The following STX1A variants were observed in gnomAD, a reference collection of about 807,000 sequenced individuals.
The protein encoded by STX1A is syntaxin 1A, also known as syntaxin-1A.
In STX1A, 4 loss-of-function variants were observed where a neutral mutation model predicts 37.8. That is an observed-to-expected ratio of 0.11 (90% CI 0.05 to 0.24). The LOEUF is 0.24. Ranked by LOEUF, STX1A falls within the 10% of genes least tolerant of loss-of-function variation. The pLI is 1.00. For synonymous variants in STX1A, 135 were observed against 147.4 expected, an observed-to-expected ratio of 0.92 and a Z score of 0.61; for missense variants, 251 against 399.9, an observed-to-expected ratio of 0.63 and a Z score of 3.18.
At chr7:73,710,970 T>C (rs1252870317) in intron 1 of STX1A, among the ~76,000 whole-genome samples, 3 of 151,956 alleles carry the variant, frequency 2.0e-5, no homozygotes, top group African/African-American at 7.3e-5. Flanking sequence ...AGGGCAGGTA[T>C]GTTTGTTTGA....
In STX1A at chr7:73,703,545, A is replaced by G. The variant is rs781973424; in HGVS notation, c.540+210T>C. ...GCGAAAGTGAGTCCAACTGGGAGGC[A>G]TCAGGAGACAGGGGTCTTGAGTCCA... On this transcript the variant is annotated intron_variant, in intron 7 of 9. Transcript: ENST00000222812. 15 of 716,592 alleles carry G rather than the reference A, an allele frequency of 2.1e-5. 1 individual carries two copies. The highest frequency in any genetic ancestry group is 1.8e-4 in the South Asian group (12 of 67,378). 44.4% of individuals were successfully genotyped at this position (716,592 alleles called of 1,614,324 possible).
At chr7:73,718,674 G>C (rs549894568) in intron 1 of STX1A, among the ~76,000 whole-genome samples, 1 of 151,948 alleles carries the variant, frequency 6.6e-6, no homozygotes, top group South Asian at 2.1e-4. Flanking sequence ...TCCACTCCCG[G>C]TCACCATCCT....
intron 3 of STX1A, 144 bp downstream of exon 3, chr7:73,708,445 G>T: frequency 1.4e-6 from 1 of 736,258 alleles, no homozygotes; most frequent in African/African-American, 1.8e-5. Flanking sequence ...GGCTTCTCGT[G>T]AAACCCTCCC....
Position 73,700,720 on chromosome 7 carries a change from G to C in STX1A, c.789+10C>G, listed in dbSNP as rs782323225. 15 of 1,613,382 alleles carry C rather than the reference G, an allele frequency of 9.3e-6. No individual in the cohort carries two copies. The highest frequency in any genetic ancestry group is 2.5e-6 in the Non-Finnish European group (3 of 1,179,956). On this transcript the variant is annotated intron_variant, in intron 9 of 9. Transcript: ENST00000222812. The surrounding 1 kb of genome is among the most constrained non-coding windows in gnomAD (Gnocchi z 4.4). ...TGGGGCATGGCCTTGGGCAGGGCTGGGCTACTGACCCGGCGCGCCTTGCTC... is the reference window on the plus strand; with the variant it reads ...TGGGGCATGGCCTTGGGCAGGGCTGCGCTACTGACCCGGCGCGCCTTGCTC...
intron 4 of STX1A, chr7:73,704,914 C>T (rs1169902759): frequency 3.4e-6 from 2 of 594,810 alleles, no homozygotes; most frequent in Non-Finnish European, 6.0e-6. Flanking sequence ...AGTGCCCATC[C>T]AGAGTGGAGC....
chr7:73,712,778 T>C (rs1035770645), intron 1 of STX1A, among the ~76,000 whole-genome samples: 1 of 152,144 alleles, frequency 6.6e-6, no homozygotes, highest in Non-Finnish European at 1.5e-5. Context: ...GGCATCCACA[T>C]CCTCCCTAGA....
rs781895055 is a variant in STX1A at position 73,709,169 on chromosome 7, C to T, written c.31-47G>A. 5.7e-6 allele frequency: 9 copies of T among 1,590,664 alleles called. No individual in the cohort carries two copies. The highest frequency in any genetic ancestry group is 7.7e-6 in the Non-Finnish European group (9 of 1,167,534). On this transcript the variant is annotated intron_variant, in intron 1 of 9. Coordinates refer to ENST00000222812, the MANE Select transcript of STX1A (RefSeq NM_004603.4). The surrounding 1 kb of genome is among the most constrained non-coding windows in gnomAD (Gnocchi z 4.2). ...TAAGTGGACGTATGTACAGGACCCA[C>T]CTGTACACACGCAGGTGCCCAGGGT...
intron 4 of STX1A, 180 bp from the exon 5 acceptor site, chr7:73,704,603 C>T (rs1798802809): frequency 5.6e-6 from 4 of 713,954 alleles, no homozygotes; most frequent in South Asian, 1.7e-5. Flanking sequence ...CCAGCTGTGA[C>T]GCTGTGTGGT....
chr7:73,708,799 C>G, intron 2 of STX1A, 111 bp from the exon 3 acceptor site: 4 of 1,216,326 alleles, frequency 3.3e-6, no homozygotes, highest in Non-Finnish European at 3.5e-6. Flanking sequence ...GAGGACGGGC[C>G]AGGCTCCGGG....
chr7:73,701,092 G>T, intron 8 of STX1A: 2 of 665,088 alleles, frequency 3.0e-6, no homozygotes, highest in Non-Finnish European at 5.1e-6. Flanking sequence ...TGCAGTCTCA[G>T]CTGAGGGTTG....
At chr7:73,716,370 G>A (rs995587623) in intron 1 of STX1A, among the ~76,000 whole-genome samples, 3 of 152,244 alleles carry the variant, frequency 2.0e-5, no homozygotes, top group Non-Finnish European at 4.4e-5. Flanking sequence ...TCCCAGCAAC[G>A]AAAGAGAAGG....
Position 73,709,081 on chromosome 7 carries a change from C to T in STX1A, c.72G>A (p.Val24=), listed in dbSNP as rs1554617563. The change falls in exon 2 of 10, where the codon GTG becomes GTA. Residue 24 remains valine, a synonymous_variant. Coordinates refer to ENST00000222812, the MANE Select transcript of STX1A (RefSeq NM_004603.4). The surrounding 1 kb of genome is among the most constrained non-coding windows in gnomAD (Gnocchi z 4.2). ...SDDDDDVAVT[V]DRDRFMDEFF... is the part of the protein sequence containing the mutation. ...ACTCATCCATGAAGCGGTCTCGGTCCACGGTGACAGCGACATCATCATCAT... is the reference window on the plus strand; with the variant it reads ...ACTCATCCATGAAGCGGTCTCGGTCTACGGTGACAGCGACATCATCATCAT... The T allele has an allele frequency of 6.2e-7, 1 of 1,614,054 alleles. No individual in the cohort carries two copies. Among genetic ancestry groups the T allele is most frequent in the Admixed American group, 1.7e-5 (1 of 60,020 alleles).
At chr7:73,701,081 ATGC>A in intron 8 of STX1A, 2 of 702,444 alleles carry the variant, frequency 2.8e-6, no homozygotes, top group Non-Finnish European at 4.7e-6. Flanking sequence ...GGAGCTGGCC[ATGC>A]AGTCTCAGCT....
intron 6 of STX1A, 118 bp downstream of exon 6, chr7:73,704,030 G>C (rs1798771499): frequency 8.7e-7 from 1 of 1,146,748 alleles, no homozygotes; most frequent in South Asian, 1.5e-5. Context: ...CAGCTGCCTC[G>C]GGCCACCCGC....
intron 1 of STX1A, 110 bp downstream of exon 1, chr7:73,719,491 TG>T: frequency 1.9e-6 from 2 of 1,066,206 alleles, no homozygotes; most frequent in Non-Finnish European, 1.2e-6. Context: ...CAGCCCTGGC[TG>T]GGGGCGCAGG....
chr7:73,702,766 C>T lies in STX1A; in HGVS notation c.678+79G>A, dbSNP rs782502958. 97 of 1,601,792 alleles carry T rather than the reference C, an allele frequency of 6.1e-5. No individual in the cohort carries two copies. The highest frequency in any genetic ancestry group is 1.5e-4 in the African/African-American group (11 of 74,712). On this transcript the variant is annotated intron_variant, in intron 8 of 9. Coordinates refer to ENST00000222812, the MANE Select transcript of STX1A (RefSeq NM_004603.4). This position sits in a 1 kb window ranked among gnomAD's most constrained non-coding sequence, Gnocchi z 4.7. Reference sequence around the variant, plus strand: ...GTCCCTCCCCGGCAGGGCAGCGTGTCGGGCAGAAAGGGCGAGGTTAGTGCA... The same window carrying T: ...GTCCCTCCCCGGCAGGGCAGCGTGTTGGGCAGAAAGGGCGAGGTTAGTGCA...
At chr7:73,704,748 C>T (rs1465074903) in intron 4 of STX1A, 9 of 511,034 alleles carry the variant, frequency 1.8e-5, no homozygotes, top group East Asian at 6.8e-5. Context: ...ATGCCCACAG[C>T]GGGGAGAGCC....
chr7:73,702,789 G>A lies in STX1A; in HGVS notation c.678+56C>T. Reference sequence around the variant, plus strand: ...GTCGGGCAGAAAGGGCGAGGTTAGTGCAGCCCTGGGTGCTGGTGTGGGCTG... The same window carrying A: ...GTCGGGCAGAAAGGGCGAGGTTAGTACAGCCCTGGGTGCTGGTGTGGGCTG... On this transcript the variant is annotated intron_variant, in intron 8 of 9. Coordinates refer to ENST00000222812, the MANE Select transcript of STX1A (RefSeq NM_004603.4). The surrounding 1 kb of genome is among the most constrained non-coding windows in gnomAD (Gnocchi z 4.7). The A allele has an allele frequency of 6.2e-7, 1 of 1,612,780 alleles. No individual in the cohort carries two copies. The highest frequency in any genetic ancestry group is 8.5e-7 in the Non-Finnish European group (1 of 1,179,192).
intron 1 of STX1A, among the ~76,000 whole-genome samples, chr7:73,711,571 G>A (rs1472203817): frequency 7.9e-5 from 12 of 151,972 alleles, no homozygotes; most frequent in Admixed American, 2.6e-4. Context: ...CTTTTAGACC[G>A]TGACAGGCCT....
Sources: allele counts gnomAD v4.1 joint callset (sites outside exome capture counted in the v4.1 genomes callset), GRCh38; gene constraint gnomAD v4.1.1; non-coding constraint Gnocchi (gnomAD v3.1); transcripts MANE v1.5; gene names NCBI Gene and HGNC (gene_info 2026-07-23, HGNC 2026-07-21).